The following KIZ variants were observed in gnomAD, a reference collection of about 807,000 sequenced individuals.
The protein encoded by KIZ is centrosomal protein kizuna.
A neutral mutation model predicts 79.6 loss-of-function variants in KIZ; 68 were observed. That is an observed-to-expected ratio of 0.85 (90% confidence interval 0.70 to 1.05). The LOEUF (loss-of-function observed/expected upper bound fraction) is 1.05, where lower values mean the gene tolerates loss of function less well. KIZ is among the 50% of genes least tolerant of loss of function. The pLI, the probability that KIZ is intolerant of heterozygous loss-of-function variation, is 0.00. For missense variants in KIZ, 797 were observed against 800.4 expected (o/e 1.00, Z 0.05); for synonymous variants, 280 against 281.8 (o/e 0.99, Z 0.06).
chr20:21,158,982 A>ATATTTATT (rs68145616), intron 4 of KIZ, among the ~76,000 whole-genome samples: 1 of 148,284 alleles, frequency 6.7e-6, no homozygotes, highest in African/African-American at 2.5e-5. Flanking sequence ...ATATACACAT[A>ATATTTATT]TATTTATTTA....
intron 6 of KIZ, among the ~76,000 whole-genome samples, chr20:21,168,738 T>C (rs1361795624): frequency 6.6e-6 from 1 of 152,108 alleles, no homozygotes; most frequent in Non-Finnish European, 1.5e-5. Flanking sequence ...AACAGAGATA[T>C]AGACCAATGG....
At chr20:21,233,317 A>G (rs755621759) in intron 11 of KIZ, among the ~76,000 whole-genome samples, 18 of 151,790 alleles carry the variant, frequency 1.2e-4, no homozygotes, top group Middle Eastern at 3.4e-3. Context: ...TTTCTTGCTT[A>G]TTTTCCATAA....
chr20:21,188,370 T>C (rs1600489105), intron 6 of KIZ, among the ~76,000 whole-genome samples: 1 of 152,344 alleles, frequency 6.6e-6, no homozygotes, highest in East Asian at 1.9e-4. Flanking sequence ...CAAGCACAGT[T>C]CTACATGGTT....
intron 3 of KIZ, among the ~76,000 whole-genome samples, chr20:21,143,267 G>C (rs1364218735): frequency 6.6e-6 from 1 of 151,472 alleles, no homozygotes; most frequent in Non-Finnish European, 1.5e-5. Flanking sequence ...CGTCGATTCA[G>C]TTCAATTATT....
intron 6 of KIZ, among the ~76,000 whole-genome samples, chr20:21,189,540 T>G (rs2035025975): frequency 6.6e-6 from 1 of 152,184 alleles, no homozygotes; most frequent in South Asian, 2.1e-4. Context: ...ATTAAGAAAC[T>G]TTTTTAAAAA....
chr20:21,167,986 A>G (rs1217078030), intron 6 of KIZ, among the ~76,000 whole-genome samples: 1 of 152,076 alleles, frequency 6.6e-6, no homozygotes, highest in African/African-American at 2.4e-5. Context: ...TTAGTTACAT[A>G]TGTATACATG....
intron 3 of KIZ, among the ~76,000 whole-genome samples, chr20:21,143,805 T>TG (rs1442891498): frequency 6.6e-6 from 1 of 152,164 alleles, no homozygotes; most frequent in Non-Finnish European, 1.5e-5. Context: ...GAGAGCGCTG[T>TG]GGAAAACTCC....
chr20:21,208,475 G>C (rs1485729935), intron 7 of KIZ, among the ~76,000 whole-genome samples: 1 of 152,168 alleles, frequency 6.6e-6, no homozygotes, highest in South Asian at 2.1e-4. Flanking sequence ...AGGCCGAGGT[G>C]GGCGGATCAC....
At chr20:21,213,049 T>A (rs977176365) in intron 7 of KIZ, among the ~76,000 whole-genome samples, 1 of 152,178 alleles carries the variant, frequency 6.6e-6, no homozygotes, top group Admixed American at 6.5e-5. Context: ...GACACCAAGT[T>A]CTTTGGCCAA....
chr20:21,219,576 C>T (rs1176776257), intron 9 of KIZ, among the ~76,000 whole-genome samples: 2 of 152,168 alleles, frequency 1.3e-5, no homozygotes, highest in African/African-American at 2.4e-5. Context: ...CTTTGGCCTC[C>T]CAGAGTTCTG....
At chr20:21,152,067 A>C (rs1034545831) in intron 4 of KIZ, among the ~76,000 whole-genome samples, 1 of 152,182 alleles carries the variant, frequency 6.6e-6, no homozygotes, top group Non-Finnish European at 1.5e-5. Context: ...CAGGTTGCGG[A>C]GAGTTGCTTA....
intron 3 of KIZ, among the ~76,000 whole-genome samples, chr20:21,144,657 AG>A (rs912943592): frequency 4.5e-4 from 68 of 152,284 alleles, no homozygotes; most frequent in African/African-American, 1.6e-3. Flanking sequence ...AAATATTTTG[AG>A]GGAAACAAAT....
At position 21,162,241 on chromosome 20, in the gene KIZ, G is replaced by A. The variant is rs528764318; in HGVS notation, c.776G>A (p.Arg259His). ...TGCTTGGAGATAGGAAGTAACACAC[G>A]TCATGGCAAGAGTAATTTATCTGAA... ...THCLEIGSNT[R>H]HGKSNLSEGK... The change falls in exon 5 of 13, where the codon CGT becomes CAT. Residue 259 changes from arginine (R) to histidine (H), a missense_variant. Transcript: ENST00000619189. 3.0e-5 allele frequency: 48 copies of A among 1,613,996 alleles called. No individual in the cohort carries two copies. Among genetic ancestry groups the A allele is most frequent in the Middle Eastern group, 1.6e-4 (1 of 6,062 alleles).
intron 2 of KIZ, among the ~76,000 whole-genome samples, chr20:21,134,660 GTTTTTTT>G (rs537989513): frequency 7.7e-6 from 1 of 130,522 alleles, no homozygotes; most frequent in Non-Finnish European, 1.6e-5. Context: ...CATCTTTCAG[GTTTTTTT>G]TTTTTTTTTT....
chr20:21,239,002 A>G (rs1386537987), intron 11 of KIZ, among the ~76,000 whole-genome samples: 1 of 152,224 alleles, frequency 6.6e-6, no homozygotes, highest in East Asian at 1.9e-4. Flanking sequence ...CTTAGAACCC[A>G]CGGCTGCACA....
intron 7 of KIZ, among the ~76,000 whole-genome samples, chr20:21,209,166 T>C (rs2035960167): frequency 6.6e-6 from 1 of 152,158 alleles, no homozygotes; most frequent in Non-Finnish European, 1.5e-5. Context: ...TTCTCTTGAG[T>C]AAATACATCA....
At chr20:21,232,563 T>C (rs1185150620) in intron 10 of KIZ, among the ~76,000 whole-genome samples, 171 bp from the exon 11 acceptor site, 1 of 152,240 alleles carries the variant, frequency 6.6e-6, no homozygotes, top group African/African-American at 2.4e-5. Flanking sequence ...TTCGGTATTC[T>C]ACCAGCATTT....
chr20:21,231,366 G>A (rs927026233), intron 10 of KIZ, among the ~76,000 whole-genome samples: 1 of 152,060 alleles, frequency 6.6e-6, no homozygotes, highest in Non-Finnish European at 1.5e-5. Flanking sequence ...TGACATATAA[G>A]TTCTAGTCCC....
rs1435337272 is a variant in KIZ at position 21,162,170 on chromosome 20, A to G, written c.705A>G (p.Lys235=). ...AGGCATCTCTTCAGATTGGTGAGAA[A>G]ATGCCAGTCACAGCCAGTGTATTGT... ...DGKASLQIGE[K]MPVTASVLSE... is the part of the protein sequence containing the mutation. The change falls in exon 5 of 13, where the codon AAA becomes AAG. Residue 235 remains lysine, a synonymous_variant. Transcript: ENST00000619189. 1.2e-6 allele frequency: 2 copies of G among 1,611,308 alleles called. No homozygotes were observed. The highest frequency in any genetic ancestry group is 1.7e-6 in the Non-Finnish European group (2 of 1,178,492).
Sources: gnomAD v4.1 joint callset for allele counts (sites outside exome capture counted in the v4.1 genomes callset) on GRCh38, gnomAD v4.1.1 for gene constraint, MANE v1.5 for transcripts, NCBI Gene and HGNC (gene_info 2026-07-23, HGNC 2026-07-21) for gene names.